SDK1: variants seen among roughly 807,000 people sequenced by gnomAD.
SDK1 encodes the protein sidekick cell adhesion molecule 1.
SDK1 carries 157 observed loss-of-function variants against 245.5 expected under a neutral mutation model. That is an observed-to-expected ratio of 0.64 (90% CI 0.56 to 0.73). SDK1 has a LOEUF of 0.73. Ranked by LOEUF, SDK1 falls within the 30% of genes least tolerant of loss-of-function variation. SDK1 has a pLI of 0.00. For missense variants in SDK1, 3,583 were observed against 3,002.3 expected (o/e 1.19, Z -4.52); for synonymous variants, 1,647 against 1,278.5 (o/e 1.29, Z -6.15).
At chr7:4,234,867 G>T (rs77476816) in intron 41 of SDK1, among the ~76,000 whole-genome samples, 3,278 of 152,282 alleles carry the variant, frequency 0.022, 108 homozygotes, top group East Asian at 0.067. Context: ...AGGCCTCGGC[G>T]TTGGGGCAGC....
At chr7:3,352,124 A>G (rs1780675213) in intron 1 of SDK1, among the ~76,000 whole-genome samples, 1 of 149,140 alleles carries the variant, frequency 6.7e-6, no homozygotes, top group African/African-American at 2.4e-5. Context: ...TGTATAATAT[A>G]TAATTTTATA....
At chr7:3,582,985 T>C (rs1273197998) in intron 1 of SDK1, among the ~76,000 whole-genome samples, 1 of 152,190 alleles carries the variant, frequency 6.6e-6, no homozygotes, top group Non-Finnish European at 1.5e-5. Context: ...AACTCCGAAG[T>C]GTGCTGCAGA....
At position 4,079,506 on chromosome 7, in the gene SDK1, C is replaced by T. The variant is rs1458568305; in HGVS notation, c.3246C>T (p.Ser1082=). The T allele has an allele frequency of 3.1e-6, 5 of 1,614,248 alleles. No individual in the cohort carries two copies. The highest frequency in any genetic ancestry group is 4.2e-6 in the Non-Finnish European group (5 of 1,180,046). Residue 1082 remains serine (S), a synonymous_variant, in exon 22 of 45, where the codon AGC becomes AGT. Transcript: ENST00000404826. The part of the protein sequence containing the change: ...APSNLVISNI[S]PRSATLQFRP... Reference sequence around the variant, plus strand: ...CCAACCTGGTCATTTCCAACATCAGCCCTCGCTCCGCCACCCTTCAGTTCC... The same window carrying T: ...CCAACCTGGTCATTTCCAACATCAGTCCTCGCTCCGCCACCCTTCAGTTCC...
At chr7:4,086,127 C>G (rs1781413482) in intron 22 of SDK1, among the ~76,000 whole-genome samples, 1 of 152,122 alleles carries the variant, frequency 6.6e-6, no homozygotes. Context: ...CATATTGCGC[C>G]TTGCTGTCTT....
At chr7:4,101,893 G>A (rs572102500) in intron 22 of SDK1, among the ~76,000 whole-genome samples, 1 of 152,290 alleles carries the variant, frequency 6.6e-6, no homozygotes, top group African/African-American at 2.4e-5. Context: ...GGCCAGATGG[G>A]GAGTGGAGGG....
At chr7:3,482,255 A>C (rs1016114051) in intron 1 of SDK1, among the ~76,000 whole-genome samples, 3 of 152,214 alleles carry the variant, frequency 2.0e-5, no homozygotes. Flanking sequence ...TTGAAAATGT[A>C]TTTCTGACCA....
chr7:3,941,718 G>A (rs1362030308), intron 5 of SDK1, among the ~76,000 whole-genome samples: 1 of 152,116 alleles, frequency 6.6e-6, no homozygotes, highest in African/African-American at 2.4e-5. Flanking sequence ...CTCTGTTCAT[G>A]TGGCTGCCAT....
chr7:3,908,198 A>G (rs1327849773), intron 5 of SDK1, among the ~76,000 whole-genome samples: 1 of 152,188 alleles, frequency 6.6e-6, no homozygotes, highest in African/African-American at 2.4e-5. Context: ...GGCCGTGCGC[A>G]TAACCCGGAT....
At chr7:3,868,354 C>T (rs565603004) in intron 5 of SDK1, among the ~76,000 whole-genome samples, 5 of 152,200 alleles carry the variant, frequency 3.3e-5, no homozygotes, top group South Asian at 2.1e-4. Flanking sequence ...TACCATCAAG[C>T]GGACCCTTGA....
intron 3 of SDK1, among the ~76,000 whole-genome samples, chr7:3,640,214 AT>A (rs1035412491): frequency 7.2e-5 from 11 of 152,200 alleles, no homozygotes; most frequent in Non-Finnish European, 1.3e-4. Context: ...AAGCAAAAAA[AT>A]GTTATAAGAT....
chr7:3,861,914 C>G (rs997626867), intron 5 of SDK1, among the ~76,000 whole-genome samples: 1 of 152,168 alleles, frequency 6.6e-6, no homozygotes, highest in Non-Finnish European at 1.5e-5. Flanking sequence ...ATGCCAGGAG[C>G]TGTGGCACTC....
At chr7:4,145,447 C>T (rs751063255) in intron 28 of SDK1, among the ~76,000 whole-genome samples, 2 of 152,122 alleles carry the variant, frequency 1.3e-5, no homozygotes, top group African/African-American at 2.4e-5. Context: ...GTGGCATGCT[C>T]GCCTCGTGCC....
chr7:3,496,819 G>C (rs1245344867), intron 1 of SDK1, among the ~76,000 whole-genome samples: 2 of 152,046 alleles, frequency 1.3e-5, no homozygotes, highest in African/African-American at 4.8e-5. Context: ...GGTAAATTTG[G>C]CTAATTTCTC....
At position 3,642,037 on chromosome 7, in the gene SDK1, C is replaced by T; in HGVS notation, c.645C>T (p.Ile215=). The T allele has an allele frequency of 6.2e-7, 1 of 1,614,064 alleles. No individual in the cohort carries two copies. Among genetic ancestry groups the T allele is most frequent in the Non-Finnish European group, 8.5e-7 (1 of 1,179,882 alleles). ...GRAAILNLLP[I]TSYPRPQVTW... is the part of the protein sequence containing the mutation. The stretch of plus-strand genomic sequence containing the variant: ...CAGCGATTCTAAACCTGCTGCCCAT[C>T]ACCAGCTACCCCAGACCTCAAGTGA... Residue 215 remains isoleucine, a synonymous_variant, in exon 4 of 45, where the codon ATC becomes ATT. Transcript: ENST00000404826.
chr7:3,599,046 C>G (rs1489944628), intron 1 of SDK1, among the ~76,000 whole-genome samples: 1 of 144,718 alleles, frequency 6.9e-6, no homozygotes, highest in South Asian at 2.2e-4. Context: ...TCCAGAGTGT[C>G]TATAGTACTC....
At chr7:3,550,782 A>G (rs974294183) in intron 1 of SDK1, among the ~76,000 whole-genome samples, 6 of 152,236 alleles carry the variant, frequency 3.9e-5, no homozygotes, top group Non-Finnish European at 5.9e-5. Context: ...GATTTCTTTT[A>G]AGAACTCTTG....
intron 5 of SDK1, among the ~76,000 whole-genome samples, chr7:3,851,844 GTTA>G: frequency 1.3e-5 from 2 of 152,238 alleles, no homozygotes; most frequent in Middle Eastern, 3.4e-3. Context: ...GATTTAAAGT[GTTA>G]TTATTAAAGA....
At chr7:4,031,298 TATA>T (rs1787803163) in intron 17 of SDK1, among the ~76,000 whole-genome samples, 1 of 152,220 alleles carries the variant, frequency 6.6e-6, no homozygotes, top group Non-Finnish European at 1.5e-5. Flanking sequence ...TTCAGCAAAT[TATA>T]ATATTTATAA....
chr7:3,884,272 T>C (rs1343397038), intron 5 of SDK1, among the ~76,000 whole-genome samples: 1 of 152,120 alleles, frequency 6.6e-6, no homozygotes, highest in Non-Finnish European at 1.5e-5. Context: ...AGCTTTTTGA[T>C]GGCTGTGCAT....
Sources: gnomAD v4.1 joint callset for allele counts (sites outside exome capture counted in the v4.1 genomes callset) on GRCh38, gnomAD v4.1.1 for gene constraint, MANE v1.5 for transcripts, NCBI Gene and HGNC (gene_info 2026-07-23, HGNC 2026-07-21) for gene names.